NCKAP5: variants seen among roughly 807,000 people sequenced by gnomAD.
The protein encoded by NCKAP5 is nck-associated protein 5.
NCKAP5 carries 92 observed loss-of-function variants against 167.0 expected under a neutral mutation model. That is an observed-to-expected ratio of 0.55 (90% CI 0.47 to 0.66). The LOEUF is 0.66. Ranked by LOEUF, NCKAP5 falls within the 30% of genes least tolerant of loss-of-function variation. The pLI, the probability that NCKAP5 is intolerant of heterozygous loss-of-function variation, is 0.00. For missense variants in NCKAP5, 2,378 were observed against 2,315.0 expected (o/e 1.03, Z -0.56); for synonymous variants, 891 against 877.4 (o/e 1.02, Z -0.27).
intron 6 of NCKAP5, among the ~76,000 whole-genome samples, chr2:133,119,998 G>C (rs1423375223): frequency 6.6e-6 from 1 of 151,974 alleles, no homozygotes; most frequent in Non-Finnish European, 1.5e-5. Flanking sequence ...TGTAACCATG[G>C]GGATATCAAT....
chr2:133,534,399 T>A (rs1306236820), intron 2 of NCKAP5, among the ~76,000 whole-genome samples: 3 of 152,172 alleles, frequency 2.0e-5, no homozygotes, highest in East Asian at 1.9e-4. Flanking sequence ...TTTTAGTGAA[T>A]TCAGAGTTGT....
chr2:132,882,990 T>C (rs999558), intron 8 of NCKAP5, among the ~76,000 whole-genome samples: 13,203 of 152,028 alleles, frequency 0.087, 1,497 homozygotes, highest in African/African-American at 0.26. Context: ...CCCAGGAGTT[T>C]GAGACCGGCC....
At chr2:133,538,869 TAGCTC>T (rs1292154680) in intron 2 of NCKAP5, among the ~76,000 whole-genome samples, 3 of 151,178 alleles carry the variant, frequency 2.0e-5, no homozygotes, top group Non-Finnish European at 4.4e-5. Context: ...AGTCACTTGA[TAGCTC>T]AGCTTCATCT....
chr2:132,673,107 C>T lies in NCKAP5; in HGVS notation c.*182G>A, dbSNP rs1683949943. On this transcript the variant is annotated 3_prime_UTR_variant, in exon 20 of 20. Transcript: ENST00000409261. ...CTCAAAGATTCCAAGTTGTCTACCC[C>T]AGGCCTATCTGAACTACTCAAAGAT... 2 of 1,290,938 alleles carry T rather than the reference C, an allele frequency of 1.5e-6. No homozygotes were observed. Among genetic ancestry groups the T allele is most frequent in the Non-Finnish European group, 9.8e-7 (1 of 1,021,580 alleles). 80.0% of individuals were successfully genotyped at this position (1,290,938 alleles called of 1,614,324 possible).
At chr2:132,811,781 G>T (rs969698592) in intron 11 of NCKAP5, among the ~76,000 whole-genome samples, 1 of 152,122 alleles carries the variant, frequency 6.6e-6, no homozygotes, top group Non-Finnish European at 1.5e-5. Flanking sequence ...CTGAGTTCTG[G>T]CTAGGAAGCG....
chr2:132,839,266 C>T (rs1241831439), intron 11 of NCKAP5, among the ~76,000 whole-genome samples: 2 of 152,036 alleles, frequency 1.3e-5, no homozygotes, highest in Non-Finnish European at 2.9e-5. Context: ...TATGTATGGT[C>T]TCTCATATTA....
At chr2:132,720,769 G>A (rs1336868138) in intron 19 of NCKAP5, among the ~76,000 whole-genome samples, 1 of 152,200 alleles carries the variant, frequency 6.6e-6, no homozygotes, top group South Asian at 2.1e-4. Context: ...AGCACTTTGG[G>A]AGGCCAAGGC....
intron 2 of NCKAP5, among the ~76,000 whole-genome samples, chr2:133,536,134 T>C (rs1685747560): frequency 6.6e-6 from 1 of 152,190 alleles, no homozygotes; most frequent in South Asian, 2.1e-4. Flanking sequence ...AGAAGCTTTT[T>C]AGTTTAATTA....
chr2:132,821,888 C>G (rs1294637945), intron 11 of NCKAP5, among the ~76,000 whole-genome samples: 2 of 152,298 alleles, frequency 1.3e-5, no homozygotes, highest in East Asian at 3.9e-4. Flanking sequence ...GAGTCTGAGC[C>G]CACACCTGCC....
At chr2:133,230,305 C>G (rs972443779) in intron 4 of NCKAP5, among the ~76,000 whole-genome samples, 1 of 152,130 alleles carries the variant, frequency 6.6e-6, no homozygotes. Context: ...ATAACATAAC[C>G]TCCTCTCTCC....
intron 6 of NCKAP5, among the ~76,000 whole-genome samples, chr2:132,998,156 A>G (rs1212909746): frequency 6.6e-6 from 1 of 152,364 alleles, no homozygotes; most frequent in East Asian, 1.9e-4. Flanking sequence ...CTCGGTTAAA[A>G]TGAAATCATA....
intron 6 of NCKAP5, among the ~76,000 whole-genome samples, chr2:133,027,005 C>CTG (rs1354717330): frequency 6.6e-6 from 1 of 152,166 alleles, no homozygotes; most frequent in East Asian, 1.9e-4. Flanking sequence ...TTACAAAGTG[C>CTG]TGTGAGTCAT....
the NCKAP5 span, among the ~76,000 whole-genome samples, chr2:133,641,840 G>A: frequency 4.7e-4 from 71 of 152,322 alleles, 1 homozygote; most frequent in East Asian, 0.013. Flanking sequence ...TGGCTCTGTT[G>A]TGTAACTGGA....
intron 3 of NCKAP5, among the ~76,000 whole-genome samples, chr2:133,483,012 C>T (rs1184524160): frequency 6.6e-6 from 1 of 152,142 alleles, no homozygotes; most frequent in Non-Finnish European, 1.5e-5. Context: ...ATACAGCTTT[C>T]CATTGCCACT....
chr2:132,727,515 G>A (rs544506650), intron 18 of NCKAP5, among the ~76,000 whole-genome samples: 2 of 152,338 alleles, frequency 1.3e-5, no homozygotes, highest in South Asian at 4.1e-4. Flanking sequence ...TGCCAAATCA[G>A]ACACAAGTCT....
At position 133,426,634 on chromosome 2, in the gene NCKAP5, T is replaced by C. The variant is rs984154137; in HGVS notation, c.69+90824A>G. Among the ~76,000 whole-genome samples, 13 of 152,270 alleles carry C rather than the reference T, an allele frequency of 8.5e-5. No homozygotes were observed. In the South Asian group the frequency reaches 2.7e-3, roughly 32 times the overall value. On this transcript the variant is annotated intron_variant, in intron 3 of 19. Coordinates refer to ENST00000409261, the MANE Select transcript of NCKAP5 (RefSeq NM_207363.3). ...ACAACACATCAAAAAGATTATACCT[T>C]GTGACCAAGCAGGATTTATCCCAGG...
At chr2:133,059,205 C>G (rs1559097405) in intron 6 of NCKAP5, among the ~76,000 whole-genome samples, 1 of 151,594 alleles carries the variant, frequency 6.6e-6, no homozygotes, top group South Asian at 2.1e-4. Flanking sequence ...GAGGCTGAGG[C>G]AGGAGAATGG....
intron 1 of NCKAP5, among the ~76,000 whole-genome samples, chr2:133,560,707 C>T (rs935274975): frequency 9.9e-5 from 15 of 152,176 alleles, no homozygotes; most frequent in Non-Finnish European, 1.2e-4. Context: ...GAACATGACA[C>T]GCTCTCAGCT....
chr2:133,276,423 C>T (rs1028680455), intron 4 of NCKAP5, among the ~76,000 whole-genome samples: 1 of 151,818 alleles, frequency 6.6e-6, no homozygotes, highest in Admixed American at 6.6e-5. Flanking sequence ...ACTACAGAAA[C>T]AAAAATTAAG....
Sources: allele counts gnomAD v4.1 joint callset (sites outside exome capture counted in the v4.1 genomes callset), GRCh38; gene constraint gnomAD v4.1.1; transcripts MANE v1.5; gene names NCBI Gene and HGNC (gene_info 2026-07-23, HGNC 2026-07-21).